Variants in PDE7B observed in about 807,000 individuals in gnomAD.
The protein encoded by PDE7B is phosphodiesterase 7B.
In PDE7B, 29 loss-of-function variants were observed where a neutral mutation model predicts 56.2. The ratio of observed to expected loss-of-function variants is 0.52; its 90% confidence interval spans 0.38 to 0.70. PDE7B has a LOEUF of 0.70. Ranked by LOEUF, PDE7B falls within the 30% of genes least tolerant of loss-of-function variation. The pLI, the probability that PDE7B is intolerant of heterozygous loss-of-function variation, is 0.00. For missense variants in PDE7B, 490 were observed against 565.0 expected (o/e 0.87, Z 1.35); for synonymous variants, 197 against 196.9 (o/e 1.00, Z 0.00).
chr6:136,077,141 C>T (rs1355069553), intron 2 of PDE7B, among the ~76,000 whole-genome samples: 5 of 151,946 alleles, frequency 3.3e-5, no homozygotes, highest in Admixed American at 6.6e-5. Context: ...GAGAGAGCAT[C>T]TAGCACAGGA....
intron 1 of PDE7B, among the ~76,000 whole-genome samples, chr6:135,893,688 A>T (rs1447668200): frequency 1.3e-5 from 2 of 152,180 alleles, no homozygotes; most frequent in Non-Finnish European, 1.5e-5. Flanking sequence ...ACTATAAATC[A>T]TGCTGCTATA....
chr6:136,173,972 C>T (rs1778935179), intron 9 of PDE7B, 84 bp downstream of exon 9: 4 of 929,116 alleles, frequency 4.3e-6, no homozygotes, highest in Non-Finnish European at 5.3e-6. Flanking sequence ...GGACCTTTTG[C>T]GTGAATGGCA....
At chr6:135,859,196 G>C (rs533693916) in intron 1 of PDE7B, among the ~76,000 whole-genome samples, 3 of 152,060 alleles carry the variant, frequency 2.0e-5, no homozygotes, top group Non-Finnish European at 4.4e-5. Flanking sequence ...GTAATACAGA[G>C]GTCTAAAGAA....
chr6:135,961,593 A>G (rs558962812), intron 2 of PDE7B, among the ~76,000 whole-genome samples: 2 of 152,228 alleles, frequency 1.3e-5, no homozygotes, highest in East Asian at 3.9e-4. Flanking sequence ...CTGATTATCC[A>G]TGAGCATTAA....
intron 1 of PDE7B, among the ~76,000 whole-genome samples, chr6:135,864,384 G>A: frequency 6.6e-6 from 1 of 151,868 alleles, no homozygotes; most frequent in East Asian, 1.9e-4. Context: ...ATTTCCTTTA[G>A]TGCAGTGATG....
intron 2 of PDE7B, among the ~76,000 whole-genome samples, chr6:135,973,929 C>G (rs1164721130): frequency 1.3e-5 from 2 of 152,110 alleles, no homozygotes; most frequent in Non-Finnish European, 2.9e-5. Flanking sequence ...ATTCATGCCC[C>G]CACTCATAAG....
chr6:135,947,492 C>T lies in PDE7B; in HGVS notation c.50C>T (p.Pro17Leu). 1 of 1,612,426 alleles carries T rather than the reference C, an allele frequency of 6.2e-7. No homozygotes were observed. The highest frequency in any genetic ancestry group is 8.5e-7 in the Non-Finnish European group (1 of 1,178,716). The part of the protein sequence containing the change: ...ERCGEILFEN[P>L]DQNAKCVCML... ...TGTGGCGAAATCTTGTTTGAGAACCCCGATCAGAATGCCAAATGTGTTTGC... is the reference window on the plus strand; with the variant it reads ...TGTGGCGAAATCTTGTTTGAGAACCTCGATCAGAATGCCAAATGTGTTTGC... The change falls in exon 2 of 13, where the codon CCC becomes CTC. Residue 17 changes from proline (P) to leucine (L), a missense_variant. Physicochemically the swap from Pro to Leu is moderately conservative, Grantham distance 98. Coordinates refer to ENST00000308191, the MANE Select transcript of PDE7B (RefSeq NM_018945.4).
chr6:135,970,800 G>A (rs1012704679), intron 2 of PDE7B, among the ~76,000 whole-genome samples: 7 of 152,152 alleles, frequency 4.6e-5, no homozygotes, highest in Admixed American at 3.9e-4. Flanking sequence ...GTTTGGCCTA[G>A]GGAGACTGTA....
At chr6:135,856,736 C>T (rs1775035810) in intron 1 of PDE7B, among the ~76,000 whole-genome samples, 1 of 152,072 alleles carries the variant, frequency 6.6e-6, no homozygotes, top group Non-Finnish European at 1.5e-5. Context: ...TTTGGATAAA[C>T]CTAAAAACAA....
At chr6:135,912,814 T>C (rs1776235397) in intron 1 of PDE7B, among the ~76,000 whole-genome samples, 1 of 152,208 alleles carries the variant, frequency 6.6e-6, no homozygotes, top group Non-Finnish European at 1.5e-5. Flanking sequence ...ATGATAGATA[T>C]CTATTTTTAT....
intron 2 of PDE7B, chr6:136,046,406 G>A (rs1413447955): frequency 6.6e-6 from 1 of 152,188 alleles, no homozygotes; most frequent in Non-Finnish European, 1.5e-5. Context: ...ATTTAAACTT[G>A]TTAATTAGCA....
intron 2 of PDE7B, among the ~76,000 whole-genome samples, chr6:136,019,078 C>T (rs1317690053): frequency 6.6e-6 from 1 of 151,960 alleles, no homozygotes; most frequent in African/African-American, 2.4e-5. Flanking sequence ...ATGCAAATTA[C>T]TAAGTGGCTT....
chr6:136,187,119 G>T lies in PDE7B; in HGVS notation c.1126+3G>T. 6.9e-7 allele frequency: 1 copy of T among 1,445,252 alleles called. No homozygotes were observed. 89.5% of individuals were successfully genotyped at this position (1,445,252 alleles called of 1,614,324 possible). Reference sequence around the variant, plus strand: ...TTCCATCCCTAGTATACAAATTGGTGAGTTGAATTCAGTGTTAATTCCAAA... The same window carrying T: ...TTCCATCCCTAGTATACAAATTGGTTAGTTGAATTCAGTGTTAATTCCAAA... On this transcript the variant is annotated splice_donor_region_variant and intron_variant, in intron 12 of 12. Transcript: ENST00000308191.
chr6:136,070,182 A>G (rs565613226), intron 2 of PDE7B: 1 of 152,118 alleles, frequency 6.6e-6, no homozygotes, highest in East Asian at 1.9e-4. Flanking sequence ...AATGAATTTT[A>G]AGAAACAGCT....
chr6:136,083,088 G>A (rs1777232180), intron 2 of PDE7B, among the ~76,000 whole-genome samples: 1 of 152,196 alleles, frequency 6.6e-6, no homozygotes, highest in Admixed American at 6.5e-5. Context: ...GTCTGGGTGA[G>A]AAAGGTGGCT....
intron 1 of PDE7B, among the ~76,000 whole-genome samples, chr6:135,896,868 A>C (rs1437407780): frequency 1.3e-5 from 2 of 151,852 alleles, no homozygotes; most frequent in Non-Finnish European, 2.9e-5. Flanking sequence ...CTCCTTGTGG[A>C]GGCAATAGTT....
chr6:135,998,497 C>T (rs918118042), intron 2 of PDE7B, among the ~76,000 whole-genome samples: 7 of 152,226 alleles, frequency 4.6e-5, no homozygotes, highest in Non-Finnish European at 1.0e-4. Context: ...TGGCTCACGC[C>T]TGTAATCCCA....
intron 3 of PDE7B, among the ~76,000 whole-genome samples, chr6:136,113,228 T>C (rs1175632568): frequency 1.3e-5 from 2 of 152,184 alleles, no homozygotes; most frequent in East Asian, 3.9e-4. Context: ...CCACAATGTG[T>C]GTGTGTATAT....
At chr6:136,084,869 G>GGTTCATT (rs958798329) in intron 2 of PDE7B, among the ~76,000 whole-genome samples, 1 of 152,014 alleles carries the variant, frequency 6.6e-6, no homozygotes, top group African/African-American at 2.4e-5. Context: ...ATTTGCAGGG[G>GGTTCATT]GTTCATTTCA....
Sources: gnomAD v4.1 joint callset for allele counts (sites outside exome capture counted in the v4.1 genomes callset) on GRCh38, gnomAD v4.1.1 for gene constraint, MANE v1.5 for transcripts, NCBI Gene and HGNC (gene_info 2026-07-23, HGNC 2026-07-21) for gene names.